The following LRRTM3 variants were observed in gnomAD, a reference collection of about 807,000 sequenced individuals.
The protein encoded by LRRTM3 is leucine-rich repeat transmembrane neuronal protein 3.
LRRTM3 carries 24 observed loss-of-function variants against 44.7 expected under a neutral mutation model. The ratio of observed to expected loss-of-function variants is 0.54; its 90% CI spans 0.39 to 0.76. The LOEUF is 0.76. Ranked by LOEUF, LRRTM3 falls within the 30% of genes least tolerant of loss-of-function variation. The pLI is 0.00. For synonymous variants in LRRTM3, 277 were observed against 278.7 expected, an observed-to-expected ratio of 0.99 and a Z score of 0.06; for missense variants, 587 against 702.2, an observed-to-expected ratio of 0.84 and a Z score of 1.85.
At chr10:66,957,470 G>GCATATATATA (rs1848884385) in intron 2 of LRRTM3, among the ~76,000 whole-genome samples, 5 of 124,138 alleles carry the variant, frequency 4.0e-5, no homozygotes, top group Admixed American at 1.7e-4. Flanking sequence ...ATATATATAT[G>GCATATATATA]TTTGATCCTG....
At chr10:67,028,648 T>TAAA (rs35905009) in intron 2 of LRRTM3, among the ~76,000 whole-genome samples, 6 of 142,206 alleles carry the variant, frequency 4.2e-5, no homozygotes, top group East Asian at 4.1e-4. Context: ...TAGTTCTACT[T>TAAA]AAAAAAAAAA....
intron 2 of LRRTM3, among the ~76,000 whole-genome samples, chr10:67,018,443 T>G (rs988145404): frequency 2.6e-5 from 4 of 152,232 alleles, no homozygotes; most frequent in Non-Finnish European, 5.9e-5. Flanking sequence ...GCATTTCTAG[T>G]ATGTTACATG....
intron 2 of LRRTM3, among the ~76,000 whole-genome samples, chr10:67,041,961 C>G (rs1385563005): frequency 5.3e-5 from 8 of 151,968 alleles, no homozygotes. Context: ...AACAGAAGGA[C>G]ACATTGGGCA....
At chr10:67,025,173 GA>G (rs1329625699) in intron 2 of LRRTM3, among the ~76,000 whole-genome samples, 169 of 147,462 alleles carry the variant, frequency 1.1e-3, no homozygotes, top group African/African-American at 4.1e-3. Flanking sequence ...AGGAAGGAAG[GA>G]AAGAAAGAAA....
At chr10:66,957,398 A>G (rs1388075571) in intron 2 of LRRTM3, among the ~76,000 whole-genome samples, 2 of 9,756 alleles carry the variant, frequency 2.1e-4, no homozygotes, top group Non-Finnish European at 4.7e-4. Context: ...ATATACATAT[A>G]TATATATATA....
intron 2 of LRRTM3, among the ~76,000 whole-genome samples, chr10:67,009,799 C>A (rs894070106): frequency 6.6e-6 from 1 of 152,098 alleles, no homozygotes; most frequent in Non-Finnish European, 1.5e-5. Context: ...TTCCTTTTCC[C>A]AGGTCACACC....
intron 2 of LRRTM3, among the ~76,000 whole-genome samples, chr10:67,074,342 C>G (rs1241499099): frequency 1.5e-5 from 1 of 68,726 alleles, no homozygotes; most frequent in Non-Finnish European, 2.5e-5. Context: ...CACTTTAACT[C>G]TTTTTTTTTT....
chr10:67,055,159 G>A (rs1855346666), intron 2 of LRRTM3: 1 of 152,086 alleles, frequency 6.6e-6, no homozygotes, highest in Non-Finnish European at 1.5e-5. Flanking sequence ...ACGCATCTTT[G>A]AGACAGCTGC....
chr10:66,962,411 TG>T (rs1408753719), intron 2 of LRRTM3, among the ~76,000 whole-genome samples: 1 of 140,192 alleles, frequency 7.1e-6, no homozygotes, highest in Non-Finnish European at 1.5e-5. Flanking sequence ...TTTTTGTTTT[TG>T]TTTTTGTTTT....
At chr10:67,017,615 G>A (rs1027036049) in intron 2 of LRRTM3, among the ~76,000 whole-genome samples, 2 of 152,046 alleles carry the variant, frequency 1.3e-5, no homozygotes, top group African/African-American at 4.8e-5. Context: ...TACAACACCA[G>A]CCATAGTTCT....
chr10:67,087,704 T>C (rs1857385886), intron 2 of LRRTM3, among the ~76,000 whole-genome samples: 2 of 152,118 alleles, frequency 1.3e-5, no homozygotes, highest in South Asian at 4.1e-4. Context: ...GCTAATGTCA[T>C]AATGGCCTGG....
At chr10:66,963,464 C>A (rs1447277313) in intron 2 of LRRTM3, among the ~76,000 whole-genome samples, 5 of 152,122 alleles carry the variant, frequency 3.3e-5, no homozygotes, top group African/African-American at 1.2e-4. Context: ...TTCCTCTTGA[C>A]AACGATTACT....
At chr10:67,034,714 T>G (rs542014034) in intron 2 of LRRTM3, among the ~76,000 whole-genome samples, 51 of 152,336 alleles carry the variant, frequency 3.3e-4, no homozygotes, top group African/African-American at 1.1e-3. Flanking sequence ...CCTACTCAGA[T>G]GCAAAAACTG....
chr10:66,971,158 T>C (rs1378670628), intron 2 of LRRTM3, among the ~76,000 whole-genome samples: 1 of 152,174 alleles, frequency 6.6e-6, no homozygotes, highest in East Asian at 1.9e-4. Flanking sequence ...CTGGGTGTGG[T>C]GGCTCACGCC....
chr10:67,039,728 C>A (rs1854279385), intron 2 of LRRTM3, among the ~76,000 whole-genome samples: 1 of 152,038 alleles, frequency 6.6e-6, no homozygotes, highest in Non-Finnish European at 1.5e-5. Flanking sequence ...CAAAAATGCA[C>A]CTGCAAAATC....
At chr10:66,950,237 C>T (rs1848469701) in intron 2 of LRRTM3, among the ~76,000 whole-genome samples, 1 of 152,126 alleles carries the variant, frequency 6.6e-6, no homozygotes, top group African/African-American at 2.4e-5. Flanking sequence ...CCATTCAACT[C>T]TAATTGTATA....
Position 66,927,545 on chromosome 10 carries a change from T to C in LRRTM3, c.629T>C (p.Leu210Pro). 1 of 1,614,194 alleles carries C rather than the reference T, an allele frequency of 6.2e-7. No individual in the cohort carries two copies. Among genetic ancestry groups the C allele is most frequent in the South Asian group, 1.1e-5 (1 of 91,086 alleles). ...VFAGMIRLKE[L>P]HLEHNQFSKL... ...GCTGGCATGATCAGACTCAAAGAAC[T>C]TCACCTGGAGCACAATCAATTTTCC... Residue 210 changes from leucine (L) to proline (P), a missense_variant, in exon 2 of 3, where the codon CTT becomes CCT. Coordinates refer to ENST00000361320, the MANE Select transcript of LRRTM3 (RefSeq NM_178011.5). This position sits in a 1 kb window ranked among gnomAD's most constrained non-coding sequence, Gnocchi z 4.7.
At chr10:67,033,582 G>A (rs1047445740) in intron 2 of LRRTM3, among the ~76,000 whole-genome samples, 3 of 152,184 alleles carry the variant, frequency 2.0e-5, no homozygotes, top group South Asian at 2.1e-4. Flanking sequence ...AATATGTGCC[G>A]AGCACTGTTC....
At chr10:67,059,246 T>C (rs138689359) in intron 2 of LRRTM3, among the ~76,000 whole-genome samples, 1 of 152,286 alleles carries the variant, frequency 6.6e-6, no homozygotes, top group Non-Finnish European at 1.5e-5. Context: ...TTTCCAAAAA[T>C]AAATACATAG....
Sources: allele counts gnomAD v4.1 joint callset (sites outside exome capture counted in the v4.1 genomes callset), GRCh38; gene constraint gnomAD v4.1.1; non-coding constraint Gnocchi (gnomAD v3.1); transcripts MANE v1.5; gene names NCBI Gene and HGNC (gene_info 2026-07-23, HGNC 2026-07-21).